ZMIZ1: variants seen among roughly 807,000 people sequenced by gnomAD.
ZMIZ1 encodes zinc finger MIZ domain-containing protein 1.
In ZMIZ1, 17 loss-of-function variants were observed where a neutral mutation model predicts 113.9. The ratio of observed to expected loss-of-function variants is 0.15; its 90% CI spans 0.10 to 0.22. The LOEUF (loss-of-function observed/expected upper bound fraction) is 0.22, where lower values mean the gene tolerates loss of function less well. ZMIZ1 is among the 10% of genes least tolerant of loss of function. ZMIZ1 has a pLI of 1.00. For missense variants in ZMIZ1, 1,059 were observed against 1,477.8 expected (o/e 0.72, Z 4.65); for synonymous variants, 607 against 603.1 (o/e 1.01, Z -0.09).
At chr10:79,135,449 G>A (rs769808406) in intron 2 of ZMIZ1, among the ~76,000 whole-genome samples, 5 of 152,232 alleles carry the variant, frequency 3.3e-5, no homozygotes, top group Non-Finnish European at 5.9e-5. Flanking sequence ...CCAGGAGGTT[G>A]GACATTACCC....
chr10:79,109,856 G>C (rs1843677308), intron 1 of ZMIZ1, among the ~76,000 whole-genome samples: 1 of 152,248 alleles, frequency 6.6e-6, no homozygotes, highest in South Asian at 2.1e-4. Context: ...AAGGGGTGCA[G>C]AAACTGCTAG....
At chr10:79,217,943 A>G (rs1423563455) in intron 7 of ZMIZ1, among the ~76,000 whole-genome samples, 2 of 152,238 alleles carry the variant, frequency 1.3e-5, no homozygotes, top group African/African-American at 2.4e-5. Context: ...GGTAGAAATG[A>G]CTTATCAAAG....
At chr10:79,279,407 G>A (rs1852550098) in intron 8 of ZMIZ1, among the ~76,000 whole-genome samples, 1 of 152,018 alleles carries the variant, frequency 6.6e-6, no homozygotes, top group African/African-American at 2.4e-5. Context: ...CAGACGATGG[G>A]CAGCTGGGCA....
intron 23 of ZMIZ1, among the ~76,000 whole-genome samples, chr10:79,310,517 G>A (rs1473796962): frequency 2.6e-5 from 4 of 152,122 alleles, no homozygotes; most frequent in African/African-American, 4.8e-5. Flanking sequence ...TCTGCACCAC[G>A]CTGAGGCAGC....
intron 1 of ZMIZ1, among the ~76,000 whole-genome samples, chr10:79,098,702 A>G (rs149998039): frequency 6.6e-6 from 1 of 152,334 alleles, no homozygotes; most frequent in East Asian, 1.9e-4. Context: ...AGTGCAGGTG[A>G]TCTCAAAACC....
At chr10:79,254,048 T>G (rs1850723249) in intron 7 of ZMIZ1, among the ~76,000 whole-genome samples, 1 of 152,262 alleles carries the variant, frequency 6.6e-6, no homozygotes, top group African/African-American at 2.4e-5. Flanking sequence ...ATCACTTGTT[T>G]GTATATACTT....
chr10:79,070,428 C>T (rs547673105), intron 1 of ZMIZ1, among the ~76,000 whole-genome samples: 3 of 148,134 alleles, frequency 2.0e-5, no homozygotes, highest in African/African-American at 7.4e-5. Flanking sequence ...CCGGAGCCGC[C>T]GGAGAAGGCC....
chr10:79,218,794 G>C (rs753994046), intron 7 of ZMIZ1, among the ~76,000 whole-genome samples: 15 of 152,162 alleles, frequency 9.9e-5, no homozygotes, highest in Non-Finnish European at 2.2e-4. Context: ...GGGACAGCCT[G>C]TGCAAAGGTG....
rs368217783 is a variant in ZMIZ1, at chr10:79,073,430, G to GC, written c.-337+4166dup. The stretch of plus-strand genomic sequence containing the variant: ...CTGATTGTCCAGTCTTGGCTTGCAT[G>GC]CCCCCCACAGGACAGGGTACTCATT... On this transcript the variant is annotated intron_variant, in intron 1 of 24. Transcript: ENST00000334512. Among the ~76,000 whole-genome samples, 474 of 152,326 alleles carry GC rather than the reference G, an allele frequency of 3.1e-3. 4 individuals carry two copies. The highest frequency in any genetic ancestry group is 0.01 in the African/African-American group (434 of 41,560).
chr10:79,313,659 A>G lies in ZMIZ1; in HGVS notation c.*910A>G, dbSNP rs1855350239. On this transcript the variant is annotated 3_prime_UTR_variant, in exon 25 of 25. Coordinates refer to ENST00000334512, the MANE Select transcript of ZMIZ1 (RefSeq NM_020338.4). Reference sequence around the variant, plus strand: ...GCAACTTCTAACTTTGCTCCAAGCCACTCTCTTTTTAAACAGCAACAATTT... The same window carrying G: ...GCAACTTCTAACTTTGCTCCAAGCCGCTCTCTTTTTAAACAGCAACAATTT... The G allele has an allele frequency of 4.0e-6, 1 of 252,152 alleles. No homozygotes were observed. The highest frequency in any genetic ancestry group is 2.3e-5 in the African/African-American group (1 of 44,102). The allele number at this position is 252,152 out of a possible 1,614,324, so 15.6% of individuals were successfully genotyped here. A position where few individuals can be genotyped will look rare whatever the true frequency, so the allele number is the denominator to read the frequency against.
At chr10:79,138,948 G>T (rs958459025) in intron 2 of ZMIZ1, among the ~76,000 whole-genome samples, 12 of 152,284 alleles carry the variant, frequency 7.9e-5, no homozygotes, top group Admixed American at 3.3e-4. Context: ...GTAGATCTCA[G>T]CTCAGACCAA....
intron 7 of ZMIZ1, among the ~76,000 whole-genome samples, chr10:79,218,603 GTGTC>G (rs1004355651): frequency 3.3e-5 from 5 of 151,724 alleles, no homozygotes; most frequent in East Asian, 1.9e-4. Context: ...GTGTGTGTGT[GTGTC>G]TGTCTGTCTG....
Position 79,127,771 on chromosome 10 carries a change from C to G in ZMIZ1, c.-227+8747C>G, listed in dbSNP as rs550112849. On this transcript the variant is annotated intron_variant, in intron 2 of 24. Coordinates refer to ENST00000334512, the MANE Select transcript of ZMIZ1 (RefSeq NM_020338.4). ...GGCCCTTTGCAGGAGCTGCTGGGGG[C>G]CAGCAGGAGAGGCCACCAGTCTCTG... 2.6e-5 allele frequency among the ~76,000 whole-genome samples: 4 copies of G among 152,272 alleles called. No individual in the cohort carries two copies. In the South Asian group the frequency reaches 8.3e-4, roughly 32 times the overall value.
intron 11 of ZMIZ1, 64 bp from the exon 12 acceptor site, chr10:79,293,317 A>G: frequency 6.7e-7 from 1 of 1,499,886 alleles, no homozygotes; most frequent in Non-Finnish European, 8.9e-7. Context: ...CTGCACTTTC[A>G]ATGCATGTGG....
At chr10:79,079,313 A>G (rs1229561071) in intron 1 of ZMIZ1, among the ~76,000 whole-genome samples, 1 of 152,196 alleles carries the variant, frequency 6.6e-6, no homozygotes, top group Non-Finnish European at 1.5e-5. Context: ...CCTGTGGTCA[A>G]GCCTTTGCAA....
rs1846552001 is a variant in ZMIZ1 at position 79,170,483 on chromosome 10, TGCCATTTATTG to T, written c.-50+8357_-50+8367del. On this transcript the variant is annotated intron_variant, in intron 4 of 24. Transcript: ENST00000334512. ...GAGAAGCTGTTCCCTGGGTGTCACA[TGCCATTTATTG>T]GCCATTCCCTTGCCTTCCAGGAGGC... 2.0e-5 allele frequency among the ~76,000 whole-genome samples: 3 copies of T among 152,210 alleles called. No individual in the cohort carries two copies. The South Asian group carries it at 6.2e-4, about 31-fold the overall frequency.
rs1855337138 is a variant in ZMIZ1 at position 79,313,469 on chromosome 10, G to C, written c.*720G>C. On this transcript the variant is annotated 3_prime_UTR_variant, in exon 25 of 25. Transcript: ENST00000334512. ...CCTGCTTGGGGACTGGTGGGGAAGA[G>C]GGCCAGGACATCTTCTGAGCCAGGA... 6.3e-6 allele frequency: 1 copy of C among 158,818 alleles called. No individual in the cohort carries two copies. Among genetic ancestry groups the C allele is most frequent in the Non-Finnish European group, 1.4e-5 (1 of 72,676 alleles). The allele number at this position is 158,818 out of a possible 1,614,324, so 9.8% of individuals were successfully genotyped here.
intron 7 of ZMIZ1, among the ~76,000 whole-genome samples, chr10:79,259,699 T>G (rs1442473270): frequency 6.6e-6 from 1 of 151,930 alleles, no homozygotes; most frequent in African/African-American, 2.4e-5. Context: ...CACTGCAACT[T>G]CTGCCTCCCA....
chr10:79,226,920 C>T (rs55776661), intron 7 of ZMIZ1, among the ~76,000 whole-genome samples: 2,705 of 152,218 alleles, frequency 0.018, 44 homozygotes, highest in African/African-American at 0.037. Context: ...ATGATGCAAC[C>T]AACATTAAGT....
Sources: gnomAD v4.1 joint callset for allele counts (sites outside exome capture counted in the v4.1 genomes callset) on GRCh38, gnomAD v4.1.1 for gene constraint, MANE v1.5 for transcripts, NCBI Gene and HGNC (gene_info 2026-07-23, HGNC 2026-07-21) for gene names.